LRMDA: variants seen among roughly 807,000 people sequenced by gnomAD.
The protein encoded by LRMDA is leucine rich melanocyte differentiation associated, also known as leucine-rich melanocyte differentiation-associated protein.
In LRMDA, 18 loss-of-function variants were observed where a neutral mutation model predicts 29.8. That is an observed-to-expected ratio of 0.60 (90% CI 0.42 to 0.90). LRMDA has a LOEUF of 0.90. LRMDA is among the 40% of genes least tolerant of loss of function. The probability of loss-of-function intolerance (pLI) is 0.00; values close to 1 mark genes in which losing one functional copy is unlikely to be tolerated. For missense variants in LRMDA, 273 were observed against 273.9 expected (o/e 1.00, Z 0.02); for synonymous variants, 125 against 109.4 (o/e 1.14, Z -0.89).
chr10:75,628,434 A>G (rs1263752710), intron 2 of LRMDA, among the ~76,000 whole-genome samples: 1 of 152,250 alleles, frequency 6.6e-6, no homozygotes, highest in African/African-American at 2.4e-5. Flanking sequence ...TTTGAATCAC[A>G]GAACAATTAC....
chr10:75,812,894 T>C (rs1843989289), intron 2 of LRMDA, among the ~76,000 whole-genome samples: 1 of 152,302 alleles, frequency 6.6e-6, no homozygotes, highest in South Asian at 2.1e-4. Context: ...GGTTATGTGA[T>C]TAGATCATTC....
chr10:76,028,567 G>A (rs1289619671), intron 2 of LRMDA, among the ~76,000 whole-genome samples: 1 of 151,320 alleles, frequency 6.6e-6, no homozygotes, highest in African/African-American at 2.4e-5. Flanking sequence ...ATCTCTTTAG[G>A]GTCCTGTCCC....
At chr10:75,848,336 G>C (rs1421502117) in intron 2 of LRMDA, among the ~76,000 whole-genome samples, 2 of 152,216 alleles carry the variant, frequency 1.3e-5, no homozygotes, top group African/African-American at 4.8e-5. Context: ...CTTGTAGGAA[G>C]TAACTAAAGT....
At chr10:76,475,968 C>A (rs913160861) in intron 6 of LRMDA, among the ~76,000 whole-genome samples, 5 of 151,486 alleles carry the variant, frequency 3.3e-5, no homozygotes, top group Non-Finnish European at 7.4e-5. Context: ...AAAGTGACAC[C>A]CTAACATCAC....
At chr10:76,042,198 T>G (rs1246363973) in intron 3 of LRMDA, among the ~76,000 whole-genome samples, 1 of 152,170 alleles carries the variant, frequency 6.6e-6, no homozygotes, top group African/African-American at 2.4e-5. Flanking sequence ...AGAGCATGCA[T>G]GCAGGGAGGA....
At chr10:75,666,374 G>C (rs1016390734) in intron 2 of LRMDA, among the ~76,000 whole-genome samples, 8 of 149,322 alleles carry the variant, frequency 5.4e-5, no homozygotes, top group Non-Finnish European at 1.0e-4. Context: ...TAATTCAAAT[G>C]AAATTATATT....
intron 2 of LRMDA, among the ~76,000 whole-genome samples, chr10:75,619,626 T>G (rs572235020): frequency 1.2e-3 from 183 of 152,334 alleles, no homozygotes; most frequent in African/African-American, 4.2e-3. Flanking sequence ...TCATTTTCTC[T>G]GAACGTTTCT....
chr10:76,273,138 T>C (rs955831726), intron 5 of LRMDA, among the ~76,000 whole-genome samples: 2 of 151,784 alleles, frequency 1.3e-5, no homozygotes, highest in African/African-American at 4.9e-5. Flanking sequence ...ATGACAGTGC[T>C]ACATATATTG....
intron 6 of LRMDA, among the ~76,000 whole-genome samples, chr10:76,343,254 G>A (rs1007976365): frequency 6.6e-6 from 1 of 152,150 alleles, no homozygotes. Flanking sequence ...TTTCTTTTGT[G>A]AAGTACATAA....
chr10:76,109,441 AAC>A (rs1157371585), intron 5 of LRMDA, among the ~76,000 whole-genome samples: 7 of 152,176 alleles, frequency 4.6e-5, no homozygotes, highest in African/African-American at 1.7e-4. Context: ...CCTCTGGGGA[AAC>A]AGAGTCATTT....
chr10:75,741,731 T>C lies in LRMDA; in HGVS notation c.132-294277T>C, dbSNP rs1842831981. Among the ~76,000 whole-genome samples, 2 of 152,200 alleles carry C rather than the reference T, an allele frequency of 1.3e-5. 1 individual carries two copies. Among genetic ancestry groups the C allele is most frequent in the South Asian group, 4.1e-4 (2 of 4,834 alleles). On this transcript the variant is annotated intron_variant, in intron 2 of 6. Transcript: ENST00000611255. Reference sequence around the variant, plus strand: ...GGCCTGGAAAGAAGAGGGCCAACTCTGGGTGGGTTCCATCAACAAGTACAT... The same window carrying C: ...GGCCTGGAAAGAAGAGGGCCAACTCCGGGTGGGTTCCATCAACAAGTACAT...
intron 2 of LRMDA, among the ~76,000 whole-genome samples, chr10:75,654,224 A>G (rs1399337694): frequency 6.6e-6 from 1 of 152,336 alleles, no homozygotes; most frequent in African/African-American, 2.4e-5. Context: ...TCTTGGCTCT[A>G]TCACTTACTG....
chr10:75,687,750 A>G (rs1842100091), intron 2 of LRMDA, among the ~76,000 whole-genome samples: 1 of 152,210 alleles, frequency 6.6e-6, no homozygotes, highest in African/African-American at 2.4e-5. Flanking sequence ...AGGAGAAGTG[A>G]ATGCCTGGCT....
At chr10:76,307,669 G>C (rs1840575039) in intron 5 of LRMDA, among the ~76,000 whole-genome samples, 1 of 152,142 alleles carries the variant, frequency 6.6e-6, no homozygotes, top group South Asian at 2.1e-4. Context: ...ACCCAAAGCA[G>C]GCCACGGATT....
chr10:76,410,454 A>G (rs549276489), intron 6 of LRMDA, among the ~76,000 whole-genome samples: 1 of 151,662 alleles, frequency 6.6e-6, no homozygotes, highest in South Asian at 2.1e-4. Context: ...GACTATAGGC[A>G]CATACCAACA....
intron 6 of LRMDA, among the ~76,000 whole-genome samples, chr10:76,442,251 C>T (rs150698256): frequency 3.9e-5 from 6 of 152,188 alleles, no homozygotes; most frequent in South Asian, 2.1e-4. Flanking sequence ...AAGTAACTGA[C>T]GGAAAAAATG....
Position 76,219,133 on chromosome 10 carries a change from A to G in LRMDA, c.517-105268A>G, listed in dbSNP as rs149838537. Among the ~76,000 whole-genome samples, 1,044 of 152,324 alleles carry G rather than the reference A, an allele frequency of 6.9e-3. 21 individuals carry two copies. The highest frequency in any genetic ancestry group is 0.024 in the African/African-American group (993 of 41,570). On this transcript the variant is annotated intron_variant, in intron 5 of 6. Coordinates refer to ENST00000611255, the MANE Select transcript of LRMDA (RefSeq NM_001305581.2). ...AAGGAAGCACTAAACATGGAAAGGAACAACCGGTACCAGCCACGGCAAAAT... is the reference window on the plus strand; with the variant it reads ...AAGGAAGCACTAAACATGGAAAGGAGCAACCGGTACCAGCCACGGCAAAAT...
At chr10:76,043,289 T>C (rs1848370889) in intron 3 of LRMDA, among the ~76,000 whole-genome samples, 1 of 152,176 alleles carries the variant, frequency 6.6e-6, no homozygotes, top group African/African-American at 2.4e-5. Context: ...GTTAATATGG[T>C]GGATAGTAAG....
At chr10:76,221,540 A>G (rs1851837075) in intron 5 of LRMDA, among the ~76,000 whole-genome samples, 1 of 152,238 alleles carries the variant, frequency 6.6e-6, no homozygotes, top group African/African-American at 2.4e-5. Flanking sequence ...AGAATAAAAT[A>G]CCTAGGAATC....
Sources: gnomAD v4.1 joint callset for allele counts (sites outside exome capture counted in the v4.1 genomes callset) on GRCh38, gnomAD v4.1.1 for gene constraint, MANE v1.5 for transcripts, NCBI Gene and HGNC (gene_info 2026-07-23, HGNC 2026-07-21) for gene names.